The following PKIA variants were observed in gnomAD, a reference collection of about 807,000 sequenced individuals.
PKIA encodes the protein cAMP-dependent protein kinase inhibitor alpha.
PKIA carries 4 observed loss-of-function variants against 7.6 expected under a neutral mutation model. The ratio of observed to expected loss-of-function variants is 0.52; its 90% CI spans 0.26 to 1.20. The LOEUF (loss-of-function observed/expected upper bound fraction) is 1.20, where lower values mean the gene tolerates loss of function less well. Ranked by LOEUF, PKIA falls within the 50% of genes most tolerant of loss-of-function variation. The pLI, the probability that PKIA is intolerant of heterozygous loss-of-function variation, is 0.13. For synonymous variants in PKIA, 21 were observed against 30.7 expected (o/e 0.68, Z 1.04); for missense variants, 73 against 86.2 (o/e 0.85, Z 0.61).
intron 1 of PKIA, among the ~76,000 whole-genome samples, chr8:78,558,881 T>TA (rs1807215781): frequency 6.6e-6 from 1 of 152,186 alleles, no homozygotes; most frequent in African/African-American, 2.4e-5. Context: ...GATATTCATA[T>TA]TATGTTAGAA....
chr8:78,574,148 A>T (rs1253972689), intron 2 of PKIA, among the ~76,000 whole-genome samples: 1 of 152,050 alleles, frequency 6.6e-6, no homozygotes. Context: ...TGATAACAGT[A>T]ATTGTACATA....
intron 1 of PKIA, among the ~76,000 whole-genome samples, chr8:78,526,610 T>G (rs1466520840): frequency 6.6e-6 from 1 of 152,058 alleles, no homozygotes; most frequent in African/African-American, 2.4e-5. Context: ...AAAATTAAAC[T>G]AACTCCATTG....
At position 78,602,936 on chromosome 8, in the gene PKIA, G is replaced by A. The variant is rs950751629; in HGVS notation, c.*1115G>A. 3 of 152,246 alleles carry A rather than the reference G, an allele frequency of 2.0e-5. No individual in the cohort carries two copies. The highest frequency in any genetic ancestry group is 7.3e-5 in the African/African-American group (3 of 41,364). 9.4% of individuals were successfully genotyped at this position (152,246 alleles called of 1,614,324 possible). A position where few individuals can be genotyped will look rare whatever the true frequency, so the allele number is the denominator to read the frequency against. ...CCAATCACAAAAGTAAAGCCCTGGT[G>A]TTGTGTTTTCATGTCTTTTTTCAGC... On this transcript the variant is annotated 3_prime_UTR_variant, in exon 4 of 4. Coordinates refer to ENST00000396418, the MANE Select transcript of PKIA (RefSeq NM_006823.4).
intron 1 of PKIA, among the ~76,000 whole-genome samples, chr8:78,539,113 C>T (rs1806608939): frequency 6.6e-6 from 1 of 151,890 alleles, no homozygotes; most frequent in Non-Finnish European, 1.5e-5. Flanking sequence ...TTAAATGTGG[C>T]ATAAAACATT....
intron 1 of PKIA, among the ~76,000 whole-genome samples, chr8:78,564,342 G>A (rs1308597541): frequency 6.6e-6 from 1 of 151,730 alleles, no homozygotes; most frequent in African/African-American, 2.4e-5. Flanking sequence ...AGCTACCTAG[G>A]AATAAGTTAT....
At chr8:78,562,242 T>C (rs1419690677) in intron 1 of PKIA, among the ~76,000 whole-genome samples, 1 of 152,172 alleles carries the variant, frequency 6.6e-6, no homozygotes, top group East Asian at 1.9e-4. Flanking sequence ...ATAGTCTAGT[T>C]GGGACTAATG....
chr8:78,547,067 G>C (rs1049445729), intron 1 of PKIA, among the ~76,000 whole-genome samples: 1 of 151,524 alleles, frequency 6.6e-6, no homozygotes, highest in Non-Finnish European at 1.5e-5. Context: ...GTTTGAATCA[G>C]AAAAGAAAAA....
chr8:78,532,548 C>T (rs1806414916), intron 1 of PKIA, among the ~76,000 whole-genome samples: 1 of 149,926 alleles, frequency 6.7e-6, no homozygotes, highest in African/African-American at 2.5e-5. Context: ...TCTGATTGGT[C>T]AGATTTAATT....
chr8:78,556,701 C>T (rs1807147326), intron 1 of PKIA: 1 of 152,084 alleles, frequency 6.6e-6, no homozygotes, highest in African/African-American at 2.4e-5. Context: ...TTGAGTTTTA[C>T]ATTTCTCATG....
chr8:78,519,791 ATCT>A (rs1809382339), intron 1 of PKIA, among the ~76,000 whole-genome samples: 3 of 152,112 alleles, frequency 2.0e-5, no homozygotes, highest in Admixed American at 2.0e-4. Flanking sequence ...AACCAAGTGG[ATCT>A]TCTTTCCAAT....
intron 1 of PKIA, among the ~76,000 whole-genome samples, chr8:78,524,112 ATG>A (rs369293224): frequency 6.3e-5 from 7 of 110,396 alleles, no homozygotes; most frequent in South Asian, 4.9e-4. Flanking sequence ...ATATAAATAT[ATG>A]TATAAACATT....
intron 1 of PKIA, among the ~76,000 whole-genome samples, chr8:78,570,680 C>A (rs1476229592): frequency 6.6e-6 from 1 of 152,158 alleles, no homozygotes; most frequent in South Asian, 2.1e-4. Context: ...CTCTTTCATA[C>A]ATACACAAAC....
chr8:78,601,189 T>C (rs540177395), intron 3 of PKIA, among the ~76,000 whole-genome samples: 2 of 152,220 alleles, frequency 1.3e-5, no homozygotes, highest in Admixed American at 1.3e-4. Context: ...TTGTAACTAT[T>C]TGACAAGGGA....
chr8:78,583,885 A>G (rs1356109563), intron 2 of PKIA, among the ~76,000 whole-genome samples: 1 of 152,112 alleles, frequency 6.6e-6, no homozygotes, highest in Admixed American at 6.6e-5. Context: ...CAAAAAAGAA[A>G]TTTGCAACCT....
At chr8:78,592,122 T>C (rs1471649344) in intron 2 of PKIA, among the ~76,000 whole-genome samples, 3 of 151,710 alleles carry the variant, frequency 2.0e-5, no homozygotes, top group East Asian at 1.9e-4. Flanking sequence ...AATGCTTGAC[T>C]GAAAAAAAAA....
chr8:78,533,520 A>G (rs1806444096), intron 1 of PKIA, among the ~76,000 whole-genome samples: 1 of 152,136 alleles, frequency 6.6e-6, no homozygotes, highest in Admixed American at 6.6e-5. Context: ...TCTACATTCT[A>G]ATTTTCAAAT....
intron 1 of PKIA, among the ~76,000 whole-genome samples, chr8:78,571,250 TGCATTA>T (rs1323511849): frequency 6.6e-6 from 1 of 152,046 alleles, no homozygotes; most frequent in Non-Finnish European, 1.5e-5. Flanking sequence ...TTGTTATCAA[TGCATTA>T]GTACTTAATT....
At chr8:78,577,976 C>T (rs570171510) in intron 2 of PKIA, among the ~76,000 whole-genome samples, 4 of 152,034 alleles carry the variant, frequency 2.6e-5, no homozygotes, top group African/African-American at 9.6e-5. Flanking sequence ...ACAATTTAAT[C>T]CTCATGAGTC....
chr8:78,525,726 A>G (rs1337869013), intron 1 of PKIA, among the ~76,000 whole-genome samples: 1 of 152,028 alleles, frequency 6.6e-6, no homozygotes, highest in Non-Finnish European at 1.5e-5. Flanking sequence ...TTCAAGTTCA[A>G]TCAAAAAGCT....
Sources: gnomAD v4.1 joint callset for allele counts (sites outside exome capture counted in the v4.1 genomes callset) on GRCh38, gnomAD v4.1.1 for gene constraint, MANE v1.5 for transcripts, NCBI Gene and HGNC (gene_info 2026-07-23, HGNC 2026-07-21) for gene names.